The following PUM1 variants were observed in gnomAD, a reference collection of about 807,000 sequenced individuals.
PUM1 encodes pumilio homolog 1.
In PUM1, 13 loss-of-function variants were observed where a neutral mutation model predicts 131.8. The ratio of observed to expected loss-of-function variants is 0.10; its 90% confidence interval spans 0.06 to 0.16. The LOEUF is 0.16. Ranked by LOEUF, PUM1 falls within the 10% of genes least tolerant of loss-of-function variation. The pLI is 1.00. For synonymous variants in PUM1, 509 were observed against 556.5 expected, an observed-to-expected ratio of 0.91 and a Z score of 1.20; for missense variants, 961 against 1,512.4, an observed-to-expected ratio of 0.64 and a Z score of 6.05.
Position 31,042,403 on chromosome 1 carries a change from A to G in PUM1, c.364-13539T>C, listed in dbSNP as rs1474758127. Among the ~76,000 whole-genome samples, 3 of 152,226 alleles carry G rather than the reference A, an allele frequency of 2.0e-5. No homozygotes were observed. The East Asian group carries it at 5.8e-4, about 29-fold the overall frequency. On this transcript the variant is annotated intron_variant, in intron 2 of 21. Transcript: ENST00000426105. ...CACCCAACCTATTTCAGCAACCTAT[A>G]TTCAACATATCTACTAACTTTTTTA...
At chr1:31,051,815 C>T (rs1442107289) in intron 2 of PUM1, among the ~76,000 whole-genome samples, 3 of 152,040 alleles carry the variant, frequency 2.0e-5, no homozygotes, top group Non-Finnish European at 4.4e-5. Flanking sequence ...TTCAACCAAT[C>T]GACTTTAATT....
chr1:30,975,301 A>G (rs954410985), intron 9 of PUM1, among the ~76,000 whole-genome samples: 1 of 151,788 alleles, frequency 6.6e-6, no homozygotes, highest in Non-Finnish European at 1.5e-5. Flanking sequence ...AAACCTAGAC[A>G]CTCAACTGAA....
At chr1:30,973,511 A>T (rs2124456503) in intron 10 of PUM1, among the ~76,000 whole-genome samples, 1 of 152,312 alleles carries the variant, frequency 6.6e-6, no homozygotes, top group South Asian at 2.1e-4. Flanking sequence ...CAAAATACTG[A>T]TACAAATGAA....
chr1:31,047,273 G>A (rs1249940712), intron 2 of PUM1, among the ~76,000 whole-genome samples: 2 of 152,042 alleles, frequency 1.3e-5, no homozygotes, highest in Non-Finnish European at 2.9e-5. Context: ...GTGCTATTAT[G>A]GCTCTTTACA....
intron 10 of PUM1, among the ~76,000 whole-genome samples, chr1:30,972,353 G>A (rs1318134398): frequency 0.13 from 4 of 30 alleles, 2 homozygotes; most frequent in Non-Finnish European, 0.11. Flanking sequence ...GGAGGGGAGG[G>A]GAGGGGAGGG....
Position 30,936,623 on chromosome 1 carries a change from C to A in PUM1, c.3435+20G>T, listed in dbSNP as rs937297455. ...AAGGCCTTGCACACTTTCTCTGAGA[C>A]CCTGCCCAGCCCGGCCTACCTTATG... On this transcript the variant is annotated intron_variant, in intron 21 of 21. Coordinates refer to ENST00000426105, the MANE Select transcript of PUM1 (RefSeq NM_001020658.2). 1 of 1,602,938 alleles carries A rather than the reference C, an allele frequency of 6.2e-7. No homozygotes were observed.
At chr1:31,041,027 G>A (rs1258910292) in intron 2 of PUM1, among the ~76,000 whole-genome samples, 4 of 152,154 alleles carry the variant, frequency 2.6e-5, no homozygotes, top group East Asian at 1.9e-4. Context: ...CAAGAAACAT[G>A]AGCCTATCAA....
intron 14 of PUM1, among the ~76,000 whole-genome samples, chr1:30,957,731 T>C (rs1038771723): frequency 6.6e-6 from 1 of 152,386 alleles, no homozygotes; most frequent in South Asian, 2.1e-4. Context: ...TTTGTACTCA[T>C]AGATCTAATA....
At chr1:31,034,646 T>C (rs1468343224) in intron 2 of PUM1, among the ~76,000 whole-genome samples, 1 of 152,220 alleles carries the variant, frequency 6.6e-6, no homozygotes, top group Non-Finnish European at 1.5e-5. Flanking sequence ...TATATATTTC[T>C]TGCTCTGAGG....
At chr1:30,953,255 GT>G (rs1225390488) in intron 15 of PUM1, among the ~76,000 whole-genome samples, 1 of 152,186 alleles carries the variant, frequency 6.6e-6, no homozygotes, top group African/African-American at 2.4e-5. Flanking sequence ...AAGGATGGGT[GT>G]TGTCACCATA....
At position 30,966,293 on chromosome 1, in the gene PUM1, G is replaced by T. The variant is rs923268009; in HGVS notation, c.1790-15C>A. On this transcript the variant is annotated splice_polypyrimidine_tract_variant and intron_variant, in intron 12 of 21. Transcript: ENST00000426105. Reference sequence around the variant, plus strand: ...TGCTGCAACAGCTATGAAGAAGAAAGCAAACCGTTTGGCTATGAAAGGGAC... The same window carrying T: ...TGCTGCAACAGCTATGAAGAAGAAATCAAACCGTTTGGCTATGAAAGGGAC... 6.4e-7 allele frequency: 1 copy of T among 1,561,754 alleles called. No homozygotes were observed. Among genetic ancestry groups the T allele is most frequent in the Admixed American group, 1.9e-5 (1 of 53,068 alleles).
intron 14 of PUM1, among the ~76,000 whole-genome samples, chr1:30,957,300 T>C (rs1367590154): frequency 6.6e-6 from 1 of 152,194 alleles, no homozygotes; most frequent in Non-Finnish European, 1.5e-5. Flanking sequence ...TATCTTGTTT[T>C]TGAAAAAAAT....
intron 1 of PUM1, chr1:31,062,060 A>G (rs1438606600): frequency 1.3e-5 from 2 of 152,360 alleles, no homozygotes; most frequent in African/African-American, 4.8e-5. Flanking sequence ...ACACTAAGGT[A>G]CAGGAGGAAA....
At chr1:31,030,539 T>C (rs1415843176) in intron 2 of PUM1, among the ~76,000 whole-genome samples, 5 of 151,634 alleles carry the variant, frequency 3.3e-5, no homozygotes, top group East Asian at 1.9e-4. Context: ...AACAAAAATT[T>C]AAAAAATAAA....
chr1:31,030,971 C>T (rs142317131), intron 2 of PUM1, among the ~76,000 whole-genome samples: 1 of 152,180 alleles, frequency 6.6e-6, no homozygotes, highest in African/African-American at 2.4e-5. Context: ...GTTACATGAG[C>T]ACAAAGAGAC....
intron 3 of PUM1, among the ~76,000 whole-genome samples, chr1:31,008,398 GA>G (rs11286507): frequency 0.4 from 57,686 of 145,248 alleles, 13,202 homozygotes; most frequent in East Asian, 0.85. Context: ...ACAAGATTGA[GA>G]AAAAAAAAAA....
At chr1:30,994,680 T>A (rs367562280) in intron 6 of PUM1, among the ~76,000 whole-genome samples, 1 of 152,216 alleles carries the variant, frequency 6.6e-6, no homozygotes, top group Non-Finnish European at 1.5e-5. Context: ...ATATGACATA[T>A]TCCATTAGTA....
chr1:30,967,783 A>G (rs1640684819), intron 11 of PUM1, among the ~76,000 whole-genome samples: 1 of 152,238 alleles, frequency 6.6e-6, no homozygotes, highest in Non-Finnish European at 1.5e-5. Context: ...GACATCTCTC[A>G]AAGACTTGTT....
intron 3 of PUM1, among the ~76,000 whole-genome samples, chr1:31,008,348 A>T (rs142891105): frequency 1.3e-5 from 2 of 152,116 alleles, no homozygotes; most frequent in Non-Finnish European, 2.9e-5. Context: ...TTTGCCATAC[A>T]TTTTGCTCTT....
Sources: allele counts gnomAD v4.1 joint callset (sites outside exome capture counted in the v4.1 genomes callset), GRCh38; gene constraint gnomAD v4.1.1; transcripts MANE v1.5; gene names NCBI Gene and HGNC (gene_info 2026-07-23, HGNC 2026-07-21).